The following GABRR1 variants were observed in gnomAD, a reference collection of about 807,000 sequenced individuals.
GABRR1 encodes gamma-aminobutyric acid type A receptor subunit rho1.
Under a neutral mutation model 55.5 loss-of-function variants are expected in GABRR1, and 59 were observed. That is an observed-to-expected ratio of 1.06 (90% confidence interval 0.86 to 1.32). The LOEUF (loss-of-function observed/expected upper bound fraction) is 1.32. Among genes scored for constraint, GABRR1 ranks in the 40% most tolerant of loss-of-function variants. GABRR1 has a pLI of 0.00. For synonymous variants in GABRR1, 213 were observed against 226.0 expected (o/e 0.94, Z 0.51); for missense variants, 602 against 619.1 (o/e 0.97, Z 0.29).
chr6:89,197,912 C>T (rs1772350463), intron 5 of GABRR1, 108 bp downstream of exon 5: 1 of 812,528 alleles, frequency 1.2e-6, no homozygotes, highest in African/African-American at 1.7e-5. Flanking sequence ...GAGAAGCTGG[C>T]AACTACTGAA....
chr6:89,213,919 A>G (rs1256364208), intron 1 of GABRR1, among the ~76,000 whole-genome samples: 1 of 150,006 alleles, frequency 6.7e-6, no homozygotes, highest in Admixed American at 6.7e-5. Context: ...AAAGAAACAG[A>G]AACACTTCTG....
intron 6 of GABRR1, among the ~76,000 whole-genome samples, chr6:89,189,042 CTGTGTG>C (rs71913424): frequency 4.7e-5 from 7 of 147,532 alleles, no homozygotes; most frequent in South Asian, 2.2e-4. Flanking sequence ...GAACTCATGT[CTGTGTG>C]TGTGTGTGTG....
chr6:89,182,436 G>A (rs1009704008), intron 7 of GABRR1, among the ~76,000 whole-genome samples: 11 of 152,192 alleles, frequency 7.2e-5, no homozygotes, highest in African/African-American at 2.6e-4. Flanking sequence ...CAAGTAGCTG[G>A]TACCACTACA....
At chr6:89,209,784 A>G (rs547219711) in intron 1 of GABRR1, among the ~76,000 whole-genome samples, 1 of 152,322 alleles carries the variant, frequency 6.6e-6, no homozygotes, top group South Asian at 2.1e-4. Flanking sequence ...CAGGGGAGCC[A>G]CAAACTAGCT....
At chr6:89,217,933 G>C (rs1213829037), upstream of GABRR1, among the ~76,000 whole-genome samples, 2 of 152,100 alleles carry the variant, frequency 1.3e-5, no homozygotes, top group African/African-American at 4.8e-5. Context: ...TTTGTTTGGC[G>C]CAGAAACAAG....
chr6:89,194,405 A>C (rs1772197263), intron 5 of GABRR1, among the ~76,000 whole-genome samples: 1 of 152,172 alleles, frequency 6.6e-6, no homozygotes, highest in Non-Finnish European at 1.5e-5. Context: ...CAGATTCACT[A>C]AGCAAATATA....
chr6:89,197,098 T>A (rs557992038), intron 5 of GABRR1, among the ~76,000 whole-genome samples: 5 of 152,198 alleles, frequency 3.3e-5, no homozygotes, highest in African/African-American at 9.6e-5. Context: ...AGAATGAGTA[T>A]GGAGGGATCA....
chr6:89,201,470 T>G (rs570008215), intron 2 of GABRR1, among the ~76,000 whole-genome samples: 91 of 152,292 alleles, frequency 6.0e-4, no homozygotes, highest in African/African-American at 2.0e-3. Context: ...TGACCATGAC[T>G]GTGGAGCTTT....
intron 1 of GABRR1, among the ~76,000 whole-genome samples, chr6:89,206,894 A>G (rs1002189865): frequency 6.6e-6 from 1 of 152,154 alleles, no homozygotes; most frequent in Non-Finnish European, 1.5e-5. Flanking sequence ...TTGGGATTAT[A>G]TTTGTGAGCC....
chr6:89,190,436 A>T (rs1429373487), intron 5 of GABRR1, among the ~76,000 whole-genome samples, 189 bp from the exon 6 acceptor site: 1 of 152,218 alleles, frequency 6.6e-6, no homozygotes, highest in Admixed American at 6.5e-5. Context: ...TTAGGCATTT[A>T]TGTTTAACCC....
At chr6:89,190,016 A>G (rs1251217106) in intron 6 of GABRR1, 149 bp downstream of exon 6, 2 of 441,842 alleles carry the variant, frequency 4.5e-6, no homozygotes, top group Admixed American at 4.3e-5. Context: ...ACGGCATTCC[A>G]GCCCAGGCGA....
In GABRR1 at chr6:89,215,448, A is replaced by G. The variant is rs1772954626; in HGVS notation, c.122+1753T>C. ...AAGCCAAGCATCAAAGACAAATACC[A>G]TATGATCTCACTTGTATGTGAAATC... On this transcript the variant is annotated intron_variant, in intron 1 of 9. Coordinates refer to ENST00000454853, the MANE Select transcript of GABRR1 (RefSeq NM_002042.5). Among the ~76,000 whole-genome samples, 4 of 152,228 alleles carry G rather than the reference A, an allele frequency of 2.6e-5. No individual in the cohort carries two copies. In the East Asian group the frequency reaches 5.8e-4, roughly 22 times the overall value.
At position 89,178,832 on chromosome 6, in the gene GABRR1, T is replaced by C; in HGVS notation, c.1378A>G (p.Arg460Gly). The C allele has an allele frequency of 6.2e-7, 1 of 1,614,172 alleles. No individual in the cohort carries two copies. The highest frequency in any genetic ancestry group is 8.5e-7 in the Non-Finnish European group (1 of 1,179,988). Reference protein sequence around the residue: ...IDTHAIDKYSRIIFPAAYILF... With the variant: ...IDTHAIDKYSGIIFPAAYILF... ...ATGTATGCTGCTGGAAAGATGATCC[T>C]GGAGTATTTATCAATGGCGTGGGTG... The change falls in exon 10 of 10, where the codon AGG becomes GGG. Residue 460 changes from arginine to glycine, a missense_variant. By Grantham distance (125) the Arg-to-Gly change is moderately radical. Transcript: ENST00000454853.
chr6:89,183,406 T>C (rs532820787), intron 7 of GABRR1, among the ~76,000 whole-genome samples: 1 of 152,220 alleles, frequency 6.6e-6, no homozygotes, highest in Admixed American at 6.5e-5. Flanking sequence ...ATGTGCTGGG[T>C]TGTAGTGCTA....
Position 89,178,891 on chromosome 6 carries a change from CT to C in GABRR1, c.1318del (p.Ser440ValfsTer7). 1 of 1,614,200 alleles carries C rather than the reference CT, an allele frequency of 6.2e-7. No homozygotes were observed. Among genetic ancestry groups the C allele is most frequent in the Non-Finnish European group, 8.5e-7 (1 of 1,180,038 alleles). ...CATGCTCACATAGCTGCTTCTCTGA[CT>C]TTTCCTCTGTGGGGAGCTCCTCTCT... Reference protein sequence around the residue: ...ASERSSPQRKSQRSSYVSMRI... With the variant: ...ASERSSPQRKXQRSSYVSMRI... On this transcript the variant is annotated frameshift_variant, in exon 10 of 10. Coordinates refer to ENST00000454853, the MANE Select transcript of GABRR1 (RefSeq NM_002042.5). LOFTEE classifies it high-confidence loss of function.
intron 5 of GABRR1, among the ~76,000 whole-genome samples, chr6:89,192,047 A>T (rs1425652180): frequency 1.3e-5 from 2 of 151,932 alleles, no homozygotes; most frequent in Admixed American, 1.3e-4. Flanking sequence ...ATCGAAAAAA[A>T]AAAAAAGAAA....
intron 5 of GABRR1, 108 bp from the exon 6 acceptor site, chr6:89,190,355 C>T: frequency 1.5e-6 from 1 of 665,582 alleles, no homozygotes; most frequent in East Asian, 2.7e-5. Context: ...GATGCCTCTT[C>T]TCATACTTCA....
In GABRR1 at chr6:89,181,842, G is replaced by T. The variant is rs868584040; in HGVS notation, c.949+63C>A. 31 of 1,437,350 alleles carry T rather than the reference G, an allele frequency of 2.2e-5. No homozygotes were observed. The African/African-American group carries it at 3.7e-4, about 17-fold the overall frequency. The allele number at this position is 1,437,350 out of a possible 1,614,324, so 89.0% of individuals were successfully genotyped here. On this transcript the variant is annotated intron_variant, in intron 8 of 9. Coordinates refer to ENST00000454853, the MANE Select transcript of GABRR1 (RefSeq NM_002042.5). ...CAATTTGAAAAGAATGGTTTTATCT[G>T]GAAGGAATTGTTAATACCTATATTT...
intron 6 of GABRR1, among the ~76,000 whole-genome samples, chr6:89,186,620 C>T (rs56994415): frequency 0.019 from 2,959 of 152,334 alleles, 99 homozygotes; most frequent in African/African-American, 0.065. Flanking sequence ...TGAAAAAAGG[C>T]TACATTCCAG....
Sources: gnomAD v4.1 joint callset for allele counts (sites outside exome capture counted in the v4.1 genomes callset) on GRCh38, gnomAD v4.1.1 for gene constraint, MANE v1.5 for transcripts, NCBI Gene and HGNC (gene_info 2026-07-23, HGNC 2026-07-21) for gene names.